Variants in ARB2A observed in about 807,000 individuals in gnomAD.
ARB2A encodes ARB2 cotranscriptional regulator A, also known as cotranscriptional regulator ARB2A.
At chr5:93,876,800 G>A in the ARB2A span, among the ~76,000 whole-genome samples, 6 of 151,770 alleles carry the variant, frequency 4.0e-5, no homozygotes, top group Non-Finnish European at 7.4e-5. Context: ...TTGCACAGAA[G>A]AGATTCAGAA....
the ARB2A span, among the ~76,000 whole-genome samples, chr5:93,697,357 C>T: frequency 2.6e-5 from 4 of 152,016 alleles, no homozygotes; most frequent in African/African-American, 7.2e-5. Context: ...GTAACAATTG[C>T]TTGCCTTCTT....
At chr5:94,080,951 T>C in the ARB2A span, among the ~76,000 whole-genome samples, 2 of 152,200 alleles carry the variant, frequency 1.3e-5, no homozygotes, top group Non-Finnish European at 2.9e-5. Context: ...AAAATTGTGA[T>C]GTTAAGAGAC....
At chr5:93,792,913 A>G in the ARB2A span, among the ~76,000 whole-genome samples, 1 of 152,222 alleles carries the variant, frequency 6.6e-6, no homozygotes, top group South Asian at 2.1e-4. Flanking sequence ...GAGTATTTAT[A>G]TATAGATTAT....
the ARB2A span, among the ~76,000 whole-genome samples, chr5:93,625,991 T>G: frequency 6.6e-6 from 1 of 152,224 alleles, no homozygotes; most frequent in Non-Finnish European, 1.5e-5. Flanking sequence ...CCTCTTTACT[T>G]GATCTTAGTG....
At chr5:94,023,746 C>G in the ARB2A span, among the ~76,000 whole-genome samples, 1 of 152,146 alleles carries the variant, frequency 6.6e-6, no homozygotes, top group East Asian at 1.9e-4. Context: ...AGAAACTGCT[C>G]CTGGCTGGGC....
At chr5:94,064,686 T>C in the ARB2A span, among the ~76,000 whole-genome samples, 4 of 152,312 alleles carry the variant, frequency 2.6e-5, no homozygotes, top group Admixed American at 6.5e-5. Context: ...GGATAACATA[T>C]TCAAAGTGCC....
At chr5:93,967,877 C>A in the ARB2A span, among the ~76,000 whole-genome samples, 1 of 152,036 alleles carries the variant, frequency 6.6e-6, no homozygotes, top group Non-Finnish European at 1.5e-5. Flanking sequence ...TCCCCATCTA[C>A]CCTAAGTTAC....
chr5:93,833,671 T>G, the ARB2A span, among the ~76,000 whole-genome samples: 36 of 152,332 alleles, frequency 2.4e-4, no homozygotes, highest in African/African-American at 8.4e-4. Context: ...TTTAGTTTCT[T>G]CACACTTTTC....
the ARB2A span, among the ~76,000 whole-genome samples, chr5:93,837,406 C>T: frequency 3.3e-5 from 5 of 152,196 alleles, no homozygotes; most frequent in South Asian, 6.2e-4. Context: ...GCTACTGCAA[C>T]GAATAGTGCT....
the ARB2A span, among the ~76,000 whole-genome samples, chr5:93,838,635 G>A: frequency 2.0e-5 from 3 of 152,074 alleles, no homozygotes; most frequent in African/African-American, 7.2e-5. Context: ...GCTTTGGGCA[G>A]TATGGCCATT....
chr5:93,658,195 C>T, the ARB2A span, among the ~76,000 whole-genome samples: 2 of 152,226 alleles, frequency 1.3e-5, no homozygotes, highest in East Asian at 1.9e-4. Context: ...CATTAGAGGT[C>T]TTACCCTTGC....
chr5:93,878,101 C>G, the ARB2A span, among the ~76,000 whole-genome samples: 13,203 of 152,082 alleles, frequency 0.087, 773 homozygotes, highest in Middle Eastern at 0.17. Context: ...GTAATCTCAG[C>G]TACTGGATTG....
the ARB2A span, among the ~76,000 whole-genome samples, chr5:93,979,718 A>G: frequency 6.6e-6 from 1 of 152,000 alleles, no homozygotes. Flanking sequence ...GTAGTTACTG[A>G]ATCATTTTAT....
chr5:94,013,782 G>T, the ARB2A span, among the ~76,000 whole-genome samples: 1 of 152,070 alleles, frequency 6.6e-6, no homozygotes, highest in Non-Finnish European at 1.5e-5. Flanking sequence ...CAAATACACA[G>T]CACTGAGATT....
chr5:94,043,357 T>C, the ARB2A span, among the ~76,000 whole-genome samples: 43 of 152,368 alleles, frequency 2.8e-4, no homozygotes, highest in African/African-American at 9.6e-4. Context: ...GAGTAAAGTA[T>C]ACTCCTGTGA....
chr5:93,833,299 A>C, the ARB2A span, among the ~76,000 whole-genome samples: 1 of 152,212 alleles, frequency 6.6e-6, no homozygotes, highest in Non-Finnish European at 1.5e-5. Context: ...TTTGGAGTAC[A>C]TTTCAAAAAT....
chr5:94,026,433 G>A, the ARB2A span, among the ~76,000 whole-genome samples: 1 of 152,098 alleles, frequency 6.6e-6, no homozygotes, highest in Non-Finnish European at 1.5e-5. Context: ...TTCATTGGGT[G>A]AAGAAACAGT....
chr5:93,766,681 A>G, the ARB2A span, among the ~76,000 whole-genome samples: 1 of 152,198 alleles, frequency 6.6e-6, no homozygotes, highest in Admixed American at 6.5e-5. Context: ...CAGCCATCTC[A>G]TTACTGGGGA....
At chr5:93,730,219 G>A in the ARB2A span, among the ~76,000 whole-genome samples, 5 of 152,066 alleles carry the variant, frequency 3.3e-5, no homozygotes, top group African/African-American at 1.2e-4. Flanking sequence ...TCTTGGCCCA[G>A]AAGACAAAAA....
Sources: allele counts gnomAD v4.1 joint callset (sites outside exome capture counted in the v4.1 genomes callset), GRCh38; gene constraint gnomAD v4.1.1; transcripts MANE v1.5; gene names NCBI Gene and HGNC (gene_info 2026-07-23, HGNC 2026-07-21).